Variants in DAB1 observed in about 807,000 individuals in gnomAD.
The protein encoded by DAB1 is DAB adaptor protein 1, also known as disabled homolog 1.
In DAB1, 15 loss-of-function variants were observed where a neutral mutation model predicts 64.6. The observed-to-expected ratio is 0.23, with a 90% CI of 0.16 to 0.36. The LOEUF is 0.36. Ranked by LOEUF, DAB1 falls within the 10% of genes least tolerant of loss-of-function variation. The pLI, the probability that DAB1 is intolerant of heterozygous loss-of-function variation, is 1.00. For synonymous variants in DAB1, 235 were observed against 251.9 expected (o/e 0.93, Z 0.64); for missense variants, 596 against 706.7 (o/e 0.84, Z 1.78).
At chr1:57,416,058 G>C (rs945116193) in intron 1 of DAB1, among the ~76,000 whole-genome samples, 2 of 152,136 alleles carry the variant, frequency 1.3e-5, no homozygotes, top group African/African-American at 4.8e-5. Flanking sequence ...TGTACCAAAA[G>C]CTTCCTCCGG....
intron 6 of DAB1, among the ~76,000 whole-genome samples, chr1:57,812,458 A>G (rs1651675162): frequency 6.6e-6 from 1 of 152,152 alleles, no homozygotes; most frequent in Admixed American, 6.5e-5. Flanking sequence ...CCTTGAGTGA[A>G]GATGTGTGCA....
chr1:58,533,369 T>C (rs558375438), intron 1 of DAB1, among the ~76,000 whole-genome samples: 20 of 152,360 alleles, frequency 1.3e-4, no homozygotes, highest in African/African-American at 4.6e-4. Flanking sequence ...AACATTAGTT[T>C]TCTCTTATAT....
chr1:58,440,926 G>C (rs1019136440), intron 3 of DAB1, among the ~76,000 whole-genome samples: 2 of 152,176 alleles, frequency 1.3e-5, no homozygotes, highest in African/African-American at 4.8e-5. Flanking sequence ...GATTAAGTCA[G>C]CTACTACAGT....
intron 6 of DAB1, among the ~76,000 whole-genome samples, chr1:57,793,004 A>C (rs1013889104): frequency 6.6e-6 from 1 of 152,244 alleles, no homozygotes; most frequent in African/African-American, 2.4e-5. Context: ...TTCCTTTGAT[A>C]GACGAAGAAG....
In DAB1 at chr1:57,015,313, G is replaced by A. The variant is rs866883656; in HGVS notation, c.1014C>T (p.Pro338=). Residue 338 remains proline (P), a synonymous_variant, in exon 12 of 15, where the codon CCC becomes CCT. Coordinates refer to ENST00000371236, the MANE Select transcript of DAB1 (RefSeq NM_001365792.1). ...AGAGACCCGGCTGGCCCCATGCGATGGGCTGAGCCCCCGGCATCACCTGAG... is the reference window on the plus strand; with the variant it reads ...AGAGACCCGGCTGGCCCCATGCGATAGGCTGAGCCCCCGGCATCACCTGAG... ...PVAQVMPGAQ[P]IAWGQPGLFP... is the part of the protein sequence containing the mutation. 1.9e-6 allele frequency: 3 copies of A among 1,614,122 alleles called. No homozygotes were observed. The highest frequency in any genetic ancestry group is 2.5e-6 in the Non-Finnish European group (3 of 1,180,038).
At chr1:57,027,220 G>A (rs1234283036) in intron 9 of DAB1, among the ~76,000 whole-genome samples, 1 of 152,202 alleles carries the variant, frequency 6.6e-6, no homozygotes, top group Non-Finnish European at 1.5e-5. Context: ...GGGGTGTGGA[G>A]TACTGGTAAG....
At chr1:58,345,872 G>A (rs1444796015) in intron 3 of DAB1, among the ~76,000 whole-genome samples, 1 of 152,064 alleles carries the variant, frequency 6.6e-6, no homozygotes, top group East Asian at 1.9e-4. Flanking sequence ...CTTCCTTGGG[G>A]TTATAATGTG....
At chr1:57,657,254 T>C (rs1646329817) in intron 6 of DAB1, among the ~76,000 whole-genome samples, 1 of 152,220 alleles carries the variant, frequency 6.6e-6, no homozygotes. Context: ...GGTTACCTCA[T>C]CTGCACATCC....
chr1:57,284,183 G>T (rs1570159406), intron 2 of DAB1, among the ~76,000 whole-genome samples: 3 of 152,140 alleles, frequency 2.0e-5, no homozygotes, highest in African/African-American at 7.2e-5. Context: ...AACAGTAATA[G>T]GTTGGGAATG....
intron 7 of DAB1, among the ~76,000 whole-genome samples, chr1:57,528,646 A>G (rs1261464433): frequency 1.0e-5 from 1 of 96,900 alleles, no homozygotes; most frequent in African/African-American, 3.0e-5. Flanking sequence ...GGACACACAC[A>G]CACACACACA....
intron 7 of DAB1, among the ~76,000 whole-genome samples, chr1:57,559,684 C>T (rs1347831577): frequency 3.9e-5 from 6 of 152,132 alleles, no homozygotes; most frequent in African/African-American, 1.4e-4. Flanking sequence ...GTAGTCATTT[C>T]TCCAGGGCCA....
intron 7 of DAB1, among the ~76,000 whole-genome samples, chr1:57,571,012 C>T (rs2265798): frequency 0.88 from 133,760 of 152,212 alleles, 60,370 homozygotes; most frequent in East Asian, 1. Flanking sequence ...TCTGGGTCAC[C>T]GTTGGTGTAT....
chr1:57,164,879 T>C (rs949013682), intron 2 of DAB1, among the ~76,000 whole-genome samples: 2 of 152,166 alleles, frequency 1.3e-5, no homozygotes, highest in Non-Finnish European at 2.9e-5. Flanking sequence ...TCAGGTTGAT[T>C]TGTTACTTGC....
chr1:57,797,064 G>A (rs1650908010), intron 6 of DAB1, among the ~76,000 whole-genome samples: 1 of 152,140 alleles, frequency 6.6e-6, no homozygotes, highest in South Asian at 2.1e-4. Flanking sequence ...CCTGAGGAAT[G>A]AATGAAAATA....
At chr1:58,376,536 C>T (rs1433540998) in intron 3 of DAB1, among the ~76,000 whole-genome samples, 1 of 145,686 alleles carries the variant, frequency 6.9e-6, no homozygotes, top group East Asian at 1.9e-4. Flanking sequence ...GCACTGTGGT[C>T]TGAGAGATAG....
chr1:58,000,564 CTTTTTTTTTTTT>C (rs869176789), intron 5 of DAB1, among the ~76,000 whole-genome samples: 5 of 95,752 alleles, frequency 5.2e-5, no homozygotes, highest in Non-Finnish European at 9.7e-5. Context: ...TCTTTTTTGC[CTTTTTTTTTTTT>C]TTTTTTTTTT....
intron 3 of DAB1, among the ~76,000 whole-genome samples, chr1:58,488,796 G>A (rs1313139377): frequency 1.3e-5 from 2 of 152,136 alleles, no homozygotes; most frequent in African/African-American, 2.4e-5. Flanking sequence ...TGTTTCCCCT[G>A]AGCCCCCAAA....
chr1:58,173,371 C>A (rs1236883728), intron 4 of DAB1, among the ~76,000 whole-genome samples: 1 of 152,132 alleles, frequency 6.6e-6, no homozygotes, highest in Non-Finnish European at 1.5e-5. Flanking sequence ...CTTCTCAGGG[C>A]CTCCAAAAAT....
At chr1:58,156,133 A>G (rs780770872) in intron 4 of DAB1, among the ~76,000 whole-genome samples, 21 of 152,342 alleles carry the variant, frequency 1.4e-4, no homozygotes, top group Non-Finnish European at 2.5e-4. Context: ...TAATACTAAC[A>G]AAGATTTATT....
Sources: gnomAD v4.1 joint callset for allele counts (sites outside exome capture counted in the v4.1 genomes callset) on GRCh38, gnomAD v4.1.1 for gene constraint, MANE v1.5 for transcripts, NCBI Gene and HGNC (gene_info 2026-07-23, HGNC 2026-07-21) for gene names.